Variants in UCK2 observed in about 807,000 individuals in gnomAD.
UCK2 encodes the protein cytidine monophosphokinase 2.
A neutral mutation model predicts 30.8 loss-of-function variants in UCK2; 6 were observed. The ratio of observed to expected loss-of-function variants is 0.19; its 90% confidence interval spans 0.11 to 0.38. The LOEUF (loss-of-function observed/expected upper bound fraction) is 0.38. UCK2 is among the 10% of genes least tolerant of loss of function. The pLI is 1.00. For synonymous variants in UCK2, 125 were observed against 133.6 expected, an observed-to-expected ratio of 0.94 and a Z score of 0.45; for missense variants, 210 against 339.8, an observed-to-expected ratio of 0.62 and a Z score of 3.00.
At chr1:165,873,022 G>A (rs535720497) in intron 1 of UCK2, among the ~76,000 whole-genome samples, 18 of 152,268 alleles carry the variant, frequency 1.2e-4, no homozygotes, top group African/African-American at 4.3e-4. Context: ...GAGATCAAGT[G>A]GAGTAAGATA....
chr1:165,890,520 A>T lies in UCK2; in HGVS notation c.259+157A>T, dbSNP rs114781947. On this transcript the variant is annotated intron_variant, in intron 2 of 6. Coordinates refer to ENST00000367879, the MANE Select transcript of UCK2 (RefSeq NM_012474.5). ...ACCTTGCAGTGTTATTGTGGGGCTT[A>T]TGTGAAAGAAGGAATTTTCAAATGC... 4.4e-3 allele frequency among the ~76,000 whole-genome samples: 667 copies of T among 152,338 alleles called. 5 individuals are homozygous for T. Among genetic ancestry groups the T allele is most frequent in the African/African-American group, 0.015 (635 of 41,570 alleles).
At chr1:165,831,166 C>G (rs930791378) in intron 1 of UCK2, among the ~76,000 whole-genome samples, 2 of 151,752 alleles carry the variant, frequency 1.3e-5, no homozygotes. Flanking sequence ...AGTCCCAGCA[C>G]TTTGGGAGGC....
chr1:165,890,426 T>C, intron 2 of UCK2, 63 bp downstream of exon 2: 1 of 1,559,126 alleles, frequency 6.4e-7, no homozygotes, highest in South Asian at 1.1e-5. Flanking sequence ...TAGTTTTATT[T>C]TGCTCATGAG....
chr1:165,830,037 ACTCTTTTG>A (rs1053920769), intron 1 of UCK2, among the ~76,000 whole-genome samples: 30 of 151,712 alleles, frequency 2.0e-4, no homozygotes, highest in African/African-American at 7.3e-4. Flanking sequence ...ACAGGGTCTC[ACTCTTTTG>A]CCCAGGCTGG....
At chr1:165,903,317 A>G in intron 5 of UCK2, 38 bp downstream of exon 5, 1 of 1,584,778 alleles carries the variant, frequency 6.3e-7, no homozygotes, top group Non-Finnish European at 8.6e-7. Context: ...TTGAATGTAG[A>G]ATTTAAAATT....
chr1:165,834,368 G>A (rs1460290830), intron 1 of UCK2, among the ~76,000 whole-genome samples: 1 of 152,308 alleles, frequency 6.6e-6, no homozygotes, highest in South Asian at 2.1e-4. Context: ...GGAGACTCAA[G>A]TGGGAGGATT....
chr1:165,872,025 CT>C (rs146560615), intron 1 of UCK2, among the ~76,000 whole-genome samples: 51 of 147,324 alleles, frequency 3.5e-4, no homozygotes, highest in African/African-American at 7.9e-4. Flanking sequence ...TATACATAGT[CT>C]TTTTTTTTTT....
At chr1:165,843,564 G>T (rs1654379754) in intron 1 of UCK2, among the ~76,000 whole-genome samples, 1 of 152,096 alleles carries the variant, frequency 6.6e-6, no homozygotes, top group Non-Finnish European at 1.5e-5. Context: ...GATCACTTGA[G>T]GCCAGGAGTT....
intron 1 of UCK2, among the ~76,000 whole-genome samples, chr1:165,845,392 C>A (rs1002083060): frequency 2.0e-5 from 3 of 152,090 alleles, no homozygotes; most frequent in African/African-American, 7.2e-5. Flanking sequence ...TTTTCCTTTT[C>A]AATTACAAAT....
At chr1:165,852,669 C>G (rs533784597) in intron 1 of UCK2, among the ~76,000 whole-genome samples, 22 of 152,180 alleles carry the variant, frequency 1.4e-4, no homozygotes, top group African/African-American at 5.3e-4. Flanking sequence ...GCAGGGGACC[C>G]ATATATTTAG....
intron 1 of UCK2, among the ~76,000 whole-genome samples, chr1:165,841,327 G>A (rs1654325887): frequency 6.6e-6 from 1 of 151,826 alleles, no homozygotes; most frequent in Non-Finnish European, 1.5e-5. Flanking sequence ...GGGATTACAG[G>A]CGCCCACCAC....
At chr1:165,900,988 C>G (rs1048203377) in intron 4 of UCK2, among the ~76,000 whole-genome samples, 6 of 152,152 alleles carry the variant, frequency 3.9e-5, no homozygotes, top group Non-Finnish European at 8.8e-5. Flanking sequence ...GGAGGCCGCG[C>G]TGGCTGTGTG....
Position 165,909,067 on chromosome 1 carries a change from A to C in UCK2, c.*1244A>C, listed in dbSNP as rs1647768893. ...GGGCTCGGAAAAGCAGTTTTTACAAAGTATTTAAAAGGAGAGTATTTAAAT... is the reference window on the plus strand; with the variant it reads ...GGGCTCGGAAAAGCAGTTTTTACAACGTATTTAAAAGGAGAGTATTTAAAT... On this transcript the variant is annotated 3_prime_UTR_variant, in exon 7 of 7. Coordinates refer to ENST00000367879, the MANE Select transcript of UCK2 (RefSeq NM_012474.5). 6.6e-6 allele frequency: 1 copy of C among 152,228 alleles called. No individual in the cohort carries two copies. The highest frequency in any genetic ancestry group is 1.5e-5 in the Non-Finnish European group (1 of 68,044). 9.4% of individuals were successfully genotyped at this position (152,228 alleles called of 1,614,324 possible). A position where few individuals can be genotyped will look rare whatever the true frequency, so the allele number is the denominator to read the frequency against.
chr1:165,866,354 T>C (rs1434771829), intron 1 of UCK2, among the ~76,000 whole-genome samples: 1 of 152,202 alleles, frequency 6.6e-6, no homozygotes, highest in Non-Finnish European at 1.5e-5. Flanking sequence ...GAGGACATCT[T>C]GGTTTTAGAG....
chr1:165,845,717 G>A (rs1162915473), intron 1 of UCK2, among the ~76,000 whole-genome samples: 5 of 152,168 alleles, frequency 3.3e-5, no homozygotes, highest in Admixed American at 3.3e-4. Context: ...GCCCAGACTG[G>A]AGTGCAGTGG....
At chr1:165,868,905 C>G (rs559807148) in intron 1 of UCK2, among the ~76,000 whole-genome samples, 38 of 152,302 alleles carry the variant, frequency 2.5e-4, no homozygotes, top group Admixed American at 2.3e-3. Context: ...GACATGCCTT[C>G]CTCACTAAGC....
intron 1 of UCK2, among the ~76,000 whole-genome samples, chr1:165,831,339 G>T (rs1654041442): frequency 6.6e-6 from 1 of 152,150 alleles, no homozygotes; most frequent in Admixed American, 6.5e-5. Flanking sequence ...AGCTTTGATG[G>T]TGCCACTGTA....
intron 1 of UCK2, among the ~76,000 whole-genome samples, chr1:165,866,160 C>T (rs1014651355): frequency 3.3e-5 from 5 of 152,046 alleles, no homozygotes; most frequent in Admixed American, 6.6e-5. Context: ...GCATATATAC[C>T]GGGAAGTAAA....
At chr1:165,879,363 G>T (rs1237176864) in intron 1 of UCK2, among the ~76,000 whole-genome samples, 2 of 152,154 alleles carry the variant, frequency 1.3e-5, no homozygotes, top group East Asian at 1.9e-4. Context: ...CCATTCAGTT[G>T]CTTCAGCACC....
Sources: allele counts gnomAD v4.1 joint callset (sites outside exome capture counted in the v4.1 genomes callset), GRCh38; gene constraint gnomAD v4.1.1; transcripts MANE v1.5; gene names NCBI Gene and HGNC (gene_info 2026-07-23, HGNC 2026-07-21).